Variants in CSMD1 observed in about 807,000 individuals in gnomAD.
CSMD1 encodes the protein CUB and Sushi multiple domains 1, also known as CUB and sushi domain-containing protein 1.
Under a neutral mutation model 417.5 loss-of-function variants are expected in CSMD1, and 213 were observed. The observed-to-expected ratio is 0.51, with a 90% CI of 0.46 to 0.57. The LOEUF (loss-of-function observed/expected upper bound fraction) is 0.57. Among genes scored for constraint, CSMD1 ranks in the 20% least tolerant of loss-of-function variants. The pLI, the probability that CSMD1 is intolerant of heterozygous loss-of-function variation, is 0.00. For missense variants in CSMD1, 6,923 were observed against 4,529.7 expected (o/e 1.53, Z -15.17); for synonymous variants, 2,862 against 1,736.8 (o/e 1.65, Z -16.11).
chr8:4,173,481 A>T (rs1029854852), intron 3 of CSMD1, among the ~76,000 whole-genome samples: 1 of 152,130 alleles, frequency 6.6e-6, no homozygotes, highest in African/African-American at 2.4e-5. Flanking sequence ...AGTTGGATCT[A>T]GAGACACAGC....
intron 3 of CSMD1, among the ~76,000 whole-genome samples, chr8:4,409,952 T>G (rs899770882): frequency 9.9e-5 from 15 of 151,770 alleles, no homozygotes; most frequent in Non-Finnish European, 1.9e-4. Flanking sequence ...TAGCTGGGAT[T>G]ACAGGCACCC....
At chr8:3,632,667 C>G (rs758296298) in intron 7 of CSMD1, among the ~76,000 whole-genome samples, 1 of 152,172 alleles carries the variant, frequency 6.6e-6, no homozygotes, top group Non-Finnish European at 1.5e-5. Flanking sequence ...ATAACTGTCA[C>G]CCTAATGATT....
chr8:2,970,777 C>T (rs971683258), intron 57 of CSMD1, among the ~76,000 whole-genome samples: 24 of 152,176 alleles, frequency 1.6e-4, no homozygotes, highest in African/African-American at 5.8e-4. Flanking sequence ...ATAAATGCTA[C>T]AGATACATTA....
At chr8:3,370,021 A>G (rs559897602) in intron 18 of CSMD1, among the ~76,000 whole-genome samples, 1 of 152,208 alleles carries the variant, frequency 6.6e-6, no homozygotes, top group Admixed American at 6.5e-5. Flanking sequence ...GCCATTGTAG[A>G]ACACAATTTA....
At chr8:4,516,307 G>A (rs1170971882) in intron 2 of CSMD1, among the ~76,000 whole-genome samples, 1 of 152,100 alleles carries the variant, frequency 6.6e-6, no homozygotes. Flanking sequence ...CGTGATCTTG[G>A]ACTTCTCGAT....
At chr8:3,723,214 C>G (rs753544721) in intron 6 of CSMD1, among the ~76,000 whole-genome samples, 2 of 152,086 alleles carry the variant, frequency 1.3e-5, no homozygotes, top group Non-Finnish European at 2.9e-5. Context: ...TGGCCATGGA[C>G]CCTTCCCTGC....
At chr8:4,061,210 C>G (rs554684142) in intron 3 of CSMD1, among the ~76,000 whole-genome samples, 1 of 152,126 alleles carries the variant, frequency 6.6e-6, no homozygotes, top group Non-Finnish European at 1.5e-5. Context: ...TTTTAGGAAC[C>G]CAGCCCTGCT....
intron 7 of CSMD1, among the ~76,000 whole-genome samples, chr8:3,703,053 C>G (rs77676872): frequency 2.8e-4 from 43 of 152,038 alleles, no homozygotes; most frequent in Non-Finnish European, 5.4e-4. Flanking sequence ...ATATAAACCA[C>G]GTAATTATAA....
intron 8 of CSMD1, among the ~76,000 whole-genome samples, chr8:3,600,913 T>C (rs1010247206): frequency 6.6e-6 from 1 of 152,230 alleles, no homozygotes; most frequent in East Asian, 1.9e-4. Context: ...GGTTTTGCTA[T>C]GTGATTGAAA....
At chr8:4,978,136 G>C (rs185140997) in intron 1 of CSMD1, among the ~76,000 whole-genome samples, 1 of 152,138 alleles carries the variant, frequency 6.6e-6, no homozygotes, top group Non-Finnish European at 1.5e-5. Context: ...TCTCAGTCAC[G>C]TGGCCCTGGA....
chr8:4,282,729 A>C (rs542432485), intron 3 of CSMD1, among the ~76,000 whole-genome samples: 1 of 152,190 alleles, frequency 6.6e-6, no homozygotes, highest in Non-Finnish European at 1.5e-5. Flanking sequence ...GAACAATTTT[A>C]ATTACTTGTA....
chr8:3,442,069 A>T (rs1375404181), intron 12 of CSMD1, among the ~76,000 whole-genome samples: 1 of 152,038 alleles, frequency 6.6e-6, no homozygotes, highest in African/African-American at 2.4e-5. Flanking sequence ...AAAATTTTAA[A>T]AAGTAAAAAA....
intron 3 of CSMD1, among the ~76,000 whole-genome samples, chr8:4,355,002 C>T (rs1801331362): frequency 6.6e-6 from 1 of 151,852 alleles, no homozygotes; most frequent in Non-Finnish European, 1.5e-5. Context: ...GTGGCTCACG[C>T]CTGTAATCCC....
chr8:4,212,751 C>CTTTTTTTTTTTTT lies in CSMD1; in HGVS notation c.416-180665_416-180653dup, dbSNP rs5889027. 2.6e-3 allele frequency among the ~76,000 whole-genome samples: 261 copies of CTTTTTTTTTTTTT among 99,174 alleles called. 17 individuals are homozygous for CTTTTTTTTTTTTT. Among genetic ancestry groups the CTTTTTTTTTTTTT allele is most frequent in the East Asian group, 0.014 (38 of 2,766 alleles). The allele number at this position is 99,174 out of a possible 152,430, so 65.1% of individuals were successfully genotyped here. ...AAAAGTTTACAACAGCGGCCTTATT[C>CTTTTTTTTTTTTT]TTTTTTTTTTTTTTTTTTTTTTTTT... On this transcript the variant is annotated intron_variant, in intron 3 of 69. Transcript: ENST00000635120.
intron 3 of CSMD1, among the ~76,000 whole-genome samples, chr8:4,271,894 C>G (rs1312630418): frequency 6.6e-6 from 1 of 152,152 alleles, no homozygotes; most frequent in Non-Finnish European, 1.5e-5. Flanking sequence ...TTGGTGTCCA[C>G]AGGGGATTGG....
chr8:3,308,987 G>C (rs138593007), intron 23 of CSMD1, among the ~76,000 whole-genome samples: 2,290 of 152,190 alleles, frequency 0.015, 25 homozygotes, highest in Non-Finnish European at 0.023. Flanking sequence ...GCCTCCCAAA[G>C]TGCTGGGATT....
At chr8:4,509,469 A>C (rs1298643880) in intron 2 of CSMD1, among the ~76,000 whole-genome samples, 2 of 152,218 alleles carry the variant, frequency 1.3e-5, no homozygotes, top group Non-Finnish European at 2.9e-5. Context: ...AAGAGCAGTA[A>C]ACCTAAGCCA....
intron 2 of CSMD1, among the ~76,000 whole-genome samples, chr8:4,508,415 A>G (rs1302720716): frequency 6.6e-6 from 1 of 152,208 alleles, no homozygotes; most frequent in Non-Finnish European, 1.5e-5. Context: ...AATCTTTGCC[A>G]TGCTTCAAAG....
At chr8:3,718,693 T>C (rs964269721) in intron 6 of CSMD1, among the ~76,000 whole-genome samples, 2 of 152,200 alleles carry the variant, frequency 1.3e-5, no homozygotes, top group African/African-American at 4.8e-5. Context: ...CTGAACTCTT[T>C]ACTAATGTAA....
Sources: allele counts gnomAD v4.1 joint callset (sites outside exome capture counted in the v4.1 genomes callset), GRCh38; gene constraint gnomAD v4.1.1; transcripts MANE v1.5; gene names NCBI Gene and HGNC (gene_info 2026-07-23, HGNC 2026-07-21).